The following LRP1B variants were observed in gnomAD, a reference collection of about 807,000 sequenced individuals.
LRP1B encodes LDL receptor related protein 1B, also known as low-density lipoprotein receptor-related protein 1B.
LRP1B carries 217 observed loss-of-function variants against 556.6 expected under a neutral mutation model. The observed-to-expected ratio is 0.39, with a 90% CI of 0.35 to 0.44. The LOEUF is 0.44. Ranked by LOEUF, LRP1B falls within the 20% of genes least tolerant of loss-of-function variation. LRP1B has a pLI of 1.00. For missense variants in LRP1B, 5,053 were observed against 5,620.8 expected (o/e 0.90, Z 3.23); for synonymous variants, 2,047 against 1,865.8 (o/e 1.10, Z -2.50).
intron 71 of LRP1B, among the ~76,000 whole-genome samples, chr2:140,366,848 G>T (rs1363858265): frequency 6.6e-6 from 1 of 151,776 alleles, no homozygotes; most frequent in African/African-American, 2.4e-5. Context: ...CTTGTTGCTT[G>T]TGTGAGGAAG....
chr2:141,160,869 G>T (rs1456693734), intron 7 of LRP1B, among the ~76,000 whole-genome samples: 1 of 151,060 alleles, frequency 6.6e-6, no homozygotes, highest in Admixed American at 6.6e-5. Flanking sequence ...TATAAAATAA[G>T]GTTCCAAAGG....
chr2:141,961,558 T>A (rs1041929335), intron 1 of LRP1B, among the ~76,000 whole-genome samples: 1 of 151,614 alleles, frequency 6.6e-6, no homozygotes, highest in Non-Finnish European at 1.5e-5. Flanking sequence ...TAAAACACAT[T>A]ATTGTCTCTT....
At chr2:142,034,113 A>G (rs1469217770) in intron 1 of LRP1B, among the ~76,000 whole-genome samples, 1 of 151,556 alleles carries the variant, frequency 6.6e-6, no homozygotes, top group African/African-American at 2.4e-5. Context: ...CATCACTCAA[A>G]TCTGCCCTCT....
intron 3 of LRP1B, among the ~76,000 whole-genome samples, chr2:141,338,961 C>T (rs1350713612): frequency 1.3e-5 from 2 of 151,674 alleles, no homozygotes; most frequent in Non-Finnish European, 2.9e-5. Context: ...GACCAGCCTG[C>T]CATTCATAGG....
At chr2:141,158,597 T>G (rs895407233) in intron 7 of LRP1B, among the ~76,000 whole-genome samples, 7 of 152,146 alleles carry the variant, frequency 4.6e-5, no homozygotes, top group African/African-American at 1.7e-4. Context: ...TGAGCCTCTT[T>G]TAAGTATATA....
intron 2 of LRP1B, among the ~76,000 whole-genome samples, chr2:141,616,288 TAAA>T (rs11349855): frequency 5.8e-5 from 8 of 137,454 alleles, no homozygotes; most frequent in South Asian, 2.2e-4. Flanking sequence ...CTCAAGAAAA[TAAA>T]AAAAAAAAAA....
intron 2 of LRP1B, among the ~76,000 whole-genome samples, chr2:141,731,234 C>T (rs1433704359): frequency 2.0e-5 from 3 of 152,170 alleles, no homozygotes; most frequent in South Asian, 2.1e-4. Context: ...TAAAATTTCC[C>T]GGGCCCTATC....
At chr2:140,501,057 G>A (rs1422414282) in intron 55 of LRP1B, among the ~76,000 whole-genome samples, 1 of 151,830 alleles carries the variant, frequency 6.6e-6, no homozygotes, top group African/African-American at 2.4e-5. Flanking sequence ...AGTTTTGTCC[G>A]TCATTCCAAC....
intron 31 of LRP1B, among the ~76,000 whole-genome samples, chr2:140,824,216 A>G (rs1691428166): frequency 6.6e-6 from 1 of 152,148 alleles, no homozygotes; most frequent in South Asian, 2.1e-4. Flanking sequence ...ATATATTTTA[A>G]GAAAATGGTT....
intron 1 of LRP1B, among the ~76,000 whole-genome samples, chr2:142,081,257 A>C (rs756994709): frequency 1.4e-4 from 22 of 152,330 alleles, no homozygotes; most frequent in Non-Finnish European, 2.6e-4. Flanking sequence ...GGAGGAAAAA[A>C]TATTTTGTGA....
chr2:141,999,496 A>G (rs1262036055), intron 1 of LRP1B, among the ~76,000 whole-genome samples: 1 of 152,140 alleles, frequency 6.6e-6, no homozygotes, highest in Non-Finnish European at 1.5e-5. Flanking sequence ...ATTACAAAAG[A>G]CCGCAATGGC....
rs184420731 is a variant in LRP1B at position 141,646,910 on chromosome 2, A to T, written c.205+163369T>A. On this transcript the variant is annotated intron_variant, in intron 2 of 90. Coordinates refer to ENST00000389484, the MANE Select transcript of LRP1B (RefSeq NM_018557.3). Reference sequence around the variant, plus strand: ...GTCAGTCAAGGGGGGAACAAGCTCCAGCTTTGCCAGGATGGTAGCAGTGGG... The same window carrying T: ...GTCAGTCAAGGGGGGAACAAGCTCCTGCTTTGCCAGGATGGTAGCAGTGGG... Among the ~76,000 whole-genome samples, 5 of 152,326 alleles carry T rather than the reference A, an allele frequency of 3.3e-5. No individual in the cohort carries two copies. The East Asian group carries it at 9.6e-4, about 29-fold the overall frequency.
chr2:140,305,516 T>C (rs575708714), intron 83 of LRP1B, among the ~76,000 whole-genome samples: 15 of 152,320 alleles, frequency 9.8e-5, no homozygotes, highest in African/African-American at 3.6e-4. Context: ...TCCTGAGACT[T>C]TGCTGAAGTT....
intron 82 of LRP1B, among the ~76,000 whole-genome samples, chr2:140,316,188 T>C: frequency 6.6e-6 from 1 of 152,262 alleles, no homozygotes; most frequent in African/African-American, 2.4e-5. Context: ...GGAACAAAAC[T>C]GATTGAGAAA....
intron 65 of LRP1B, 22 bp from the exon 66 acceptor site, chr2:140,442,645 A>G (rs1573943678): frequency 6.2e-7 from 1 of 1,611,406 alleles, no homozygotes. Flanking sequence ...AACTGCCATT[A>G]AAATGTAGCT....
intron 72 of LRP1B, among the ~76,000 whole-genome samples, chr2:140,364,402 C>T (rs1682656002): frequency 6.6e-6 from 1 of 151,562 alleles, no homozygotes; most frequent in African/African-American, 2.4e-5. Context: ...TCTAAACCCA[C>T]CCAAAGAGAC....
At chr2:140,386,655 T>C (rs1262399626) in intron 66 of LRP1B, among the ~76,000 whole-genome samples, 4 of 152,166 alleles carry the variant, frequency 2.6e-5, no homozygotes, top group Admixed American at 6.6e-5. Context: ...TTACAGATGG[T>C]GAAATAAAAA....
intron 2 of LRP1B, among the ~76,000 whole-genome samples, chr2:141,705,312 T>G (rs1005820415): frequency 1.3e-5 from 2 of 152,002 alleles, no homozygotes; most frequent in African/African-American, 4.8e-5. Context: ...TTCTATGGAA[T>G]GGATCACCAC....
chr2:140,301,815 G>GA (rs1403127003), intron 83 of LRP1B, among the ~76,000 whole-genome samples: 1 of 151,370 alleles, frequency 6.6e-6, no homozygotes, highest in Admixed American at 6.6e-5. Context: ...ATAAAGTACA[G>GA]AAAAAATCAA....
Sources: gnomAD v4.1 joint callset for allele counts (sites outside exome capture counted in the v4.1 genomes callset) on GRCh38, gnomAD v4.1.1 for gene constraint, MANE v1.5 for transcripts, NCBI Gene and HGNC (gene_info 2026-07-23, HGNC 2026-07-21) for gene names.